The following UBE2E2 variants were observed in gnomAD, a reference collection of about 807,000 sequenced individuals.
UBE2E2 encodes ubiquitin-conjugating enzyme E2 E2.
A neutral mutation model predicts 24.7 loss-of-function variants in UBE2E2; 6 were observed. That is an observed-to-expected ratio of 0.24 (90% CI 0.13 to 0.48). The LOEUF is 0.48. Ranked by LOEUF, UBE2E2 falls within the 20% of genes least tolerant of loss-of-function variation. The pLI, the probability that UBE2E2 is intolerant of heterozygous loss-of-function variation, is 0.99. For synonymous variants in UBE2E2, 104 were observed against 83.6 expected (o/e 1.24, Z -1.33); for missense variants, 169 against 245.0 (o/e 0.69, Z 2.07).
intron 3 of UBE2E2, among the ~76,000 whole-genome samples, chr3:23,469,820 G>A (rs1337862058): frequency 6.6e-6 from 1 of 152,166 alleles, no homozygotes; most frequent in Non-Finnish European, 1.5e-5. Context: ...TTTTGTATTT[G>A]AAGTCCTCTG....
chr3:23,354,909 G>C (rs1028728741), intron 3 of UBE2E2, among the ~76,000 whole-genome samples: 1 of 152,070 alleles, frequency 6.6e-6, no homozygotes, highest in Non-Finnish European at 1.5e-5. Context: ...AAATCATGCT[G>C]CTATAAAGAC....
chr3:23,403,775 G>A (rs1490981890), intron 3 of UBE2E2, among the ~76,000 whole-genome samples: 4 of 138,082 alleles, frequency 2.9e-5, no homozygotes, highest in African/African-American at 1.1e-4. Context: ...AGTGAGCCGA[G>A]ATTGCCTGGG....
rs139332021 is a variant in UBE2E2, at chr3:23,271,027, A to G, written c.227+53715A>G. 2.4e-5 allele frequency: 11 copies of G among 456,694 alleles called. No individual in the cohort carries two copies. In the East Asian group the frequency reaches 6.3e-4, roughly 26 times the overall value. The allele number at this position is 456,694 out of a possible 1,614,324, so 28.3% of individuals were successfully genotyped here. A position where few individuals can be genotyped will look rare whatever the true frequency, so the allele number is the denominator to read the frequency against. Reference sequence around the variant, plus strand: ...AAGGAGCAGACTTCATCTTACTTCTATTCATTTCTCAATTAACTATGACTA... The same window carrying G: ...AAGGAGCAGACTTCATCTTACTTCTGTTCATTTCTCAATTAACTATGACTA... On this transcript the variant is annotated intron_variant, in intron 3 of 5. Coordinates refer to ENST00000396703, the MANE Select transcript of UBE2E2 (RefSeq NM_152653.4).
chr3:23,538,706 G>A (rs555481964), intron 5 of UBE2E2, among the ~76,000 whole-genome samples: 6 of 152,062 alleles, frequency 3.9e-5, no homozygotes, highest in Admixed American at 6.5e-5. Flanking sequence ...GGGAATATAC[G>A]TTCCCTGTTT....
chr3:23,374,923 T>C (rs966192362), intron 3 of UBE2E2, among the ~76,000 whole-genome samples: 62 of 152,272 alleles, frequency 4.1e-4, no homozygotes, highest in African/African-American at 1.5e-3. Flanking sequence ...TGCTCACAAA[T>C]CTAATTTTTC....
chr3:23,365,022 CATG>C (rs1696217765), intron 3 of UBE2E2, among the ~76,000 whole-genome samples: 2 of 152,138 alleles, frequency 1.3e-5, no homozygotes, highest in Admixed American at 6.6e-5. Context: ...AACAAAATCA[CATG>C]ATCCTCTAAA....
At chr3:23,293,356 T>C (rs1159796801) in intron 3 of UBE2E2, among the ~76,000 whole-genome samples, 1 of 152,232 alleles carries the variant, frequency 6.6e-6, no homozygotes, top group Non-Finnish European at 1.5e-5. Flanking sequence ...CATTTAGGAC[T>C]TGCCAAAGCC....
chr3:23,390,595 G>A (rs1236892451), intron 3 of UBE2E2, among the ~76,000 whole-genome samples: 1 of 152,216 alleles, frequency 6.6e-6, no homozygotes, highest in Non-Finnish European at 1.5e-5. Flanking sequence ...CTGTCTTCCT[G>A]ACTCTCCACT....
intron 3 of UBE2E2, among the ~76,000 whole-genome samples, chr3:23,394,416 G>A (rs1697027258): frequency 6.6e-6 from 1 of 152,166 alleles, no homozygotes; most frequent in African/African-American, 2.4e-5. Context: ...TTTACAGTTT[G>A]CTGGGTAACG....
chr3:23,427,875 C>T (rs576538617), intron 3 of UBE2E2, among the ~76,000 whole-genome samples: 5 of 152,248 alleles, frequency 3.3e-5, no homozygotes, highest in African/African-American at 9.6e-5. Flanking sequence ...ACGTAGCAAT[C>T]CTTAATGTGT....
intron 5 of UBE2E2, chr3:23,534,065 C>T (rs1323353968): frequency 5.2e-6 from 2 of 388,126 alleles, no homozygotes; most frequent in Admixed American, 6.5e-5. Context: ...CATTTTAATC[C>T]CATTTGTCTG....
chr3:23,493,534 T>A (rs1699542770), intron 3 of UBE2E2, among the ~76,000 whole-genome samples: 1 of 152,250 alleles, frequency 6.6e-6, no homozygotes, highest in Non-Finnish European at 1.5e-5. Context: ...TTTTTTTTCT[T>A]ATTTAAAAAA....
chr3:23,219,802 A>G (rs1354204103), intron 3 of UBE2E2, among the ~76,000 whole-genome samples: 2 of 152,144 alleles, frequency 1.3e-5, no homozygotes, highest in Non-Finnish European at 2.9e-5. Flanking sequence ...TATGTGAGGG[A>G]ACATCTGTGG....
At chr3:23,556,701 C>T (rs1390198710) in intron 5 of UBE2E2, among the ~76,000 whole-genome samples, 1 of 152,048 alleles carries the variant, frequency 6.6e-6, no homozygotes, top group African/African-American at 2.4e-5. Flanking sequence ...ACTGTTTTGC[C>T]TCACACATGA....
intron 4 of UBE2E2, among the ~76,000 whole-genome samples, chr3:23,532,043 C>T (rs1450696565): frequency 7.3e-6 from 1 of 137,458 alleles, no homozygotes; most frequent in Non-Finnish European, 1.5e-5. Flanking sequence ...GCCTGGGCAA[C>T]AGAGCGAAAC....
At chr3:23,545,220 C>T (rs538356282) in intron 5 of UBE2E2, among the ~76,000 whole-genome samples, 128 of 152,186 alleles carry the variant, frequency 8.4e-4, no homozygotes, top group Admixed American at 1.4e-3. Context: ...TTACGGGTGT[C>T]GGGCTGGGGG....
At chr3:23,350,651 A>T (rs1005205334) in intron 3 of UBE2E2, among the ~76,000 whole-genome samples, 2 of 152,320 alleles carry the variant, frequency 1.3e-5, no homozygotes, top group African/African-American at 4.8e-5. Context: ...GGAAGACGAA[A>T]TGAATGAAAT....
At chr3:23,538,615 G>C (rs969804239) in intron 5 of UBE2E2, among the ~76,000 whole-genome samples, 1 of 152,110 alleles carries the variant, frequency 6.6e-6, no homozygotes, top group Non-Finnish European at 1.5e-5. Context: ...GGCTTACTCA[G>C]ATGCATTTGA....
chr3:23,214,299 G>A (rs1696413131), intron 2 of UBE2E2, among the ~76,000 whole-genome samples: 2 of 152,018 alleles, frequency 1.3e-5, no homozygotes, highest in Non-Finnish European at 2.9e-5. Context: ...CTCTTGCACA[G>A]GCTGGAGTAT....
Sources: allele counts gnomAD v4.1 joint callset (sites outside exome capture counted in the v4.1 genomes callset), GRCh38; gene constraint gnomAD v4.1.1; transcripts MANE v1.5; gene names NCBI Gene and HGNC (gene_info 2026-07-23, HGNC 2026-07-21).